Variants in PARP8 observed in about 807,000 individuals in gnomAD.
The protein encoded by PARP8 is protein mono-ADP-ribosyltransferase PARP8.
PARP8 carries 51 observed loss-of-function variants against 124.1 expected under a neutral mutation model. The observed-to-expected ratio is 0.41, with a 90% CI of 0.33 to 0.52. PARP8 has a LOEUF of 0.52. PARP8 is among the 20% of genes least tolerant of loss of function. PARP8 has a pLI of 0.21. For missense variants in PARP8, 860 were observed against 1,018.9 expected (o/e 0.84, Z 2.12); for synonymous variants, 391 against 361.5 (o/e 1.08, Z -0.93).
At chr5:50,798,071 CTT>C (rs1485279184) in intron 14 of PARP8, among the ~76,000 whole-genome samples, 1 of 152,132 alleles carries the variant, frequency 6.6e-6, no homozygotes. Flanking sequence ...AGTATGTGGG[CTT>C]TTGTTTCTGA....
At chr5:50,734,159 G>A (rs1329295631) in intron 2 of PARP8, among the ~76,000 whole-genome samples, 2 of 151,990 alleles carry the variant, frequency 1.3e-5, no homozygotes, top group Admixed American at 6.6e-5. Context: ...CCTTTTTTAC[G>A]GCGGTTTTAT....
At chr5:50,680,535 AATCT>A (rs1426097155) in intron 2 of PARP8, among the ~76,000 whole-genome samples, 1 of 152,172 alleles carries the variant, frequency 6.6e-6, no homozygotes, top group Non-Finnish European at 1.5e-5. Flanking sequence ...ATCTGCAGGA[AATCT>A]ATCTTTTAAA....
chr5:50,819,358 AGTGAGAGCATATCCATCTGT>A (rs552807182), intron 15 of PARP8, among the ~76,000 whole-genome samples: 229 of 147,658 alleles, frequency 1.6e-3, no homozygotes, highest in African/African-American at 5.5e-3. Context: ...AAAGGGTTTT[AGTGAGAGCATATCCATCTGT>A]GTCATTCCCC....
intron 17 of PARP8, among the ~76,000 whole-genome samples, chr5:50,824,584 T>C (rs1280792561): frequency 1.3e-5 from 2 of 149,710 alleles, no homozygotes; most frequent in African/African-American, 4.9e-5. Context: ...TTTGGGAGCA[T>C]CACGTTTTCT....
chr5:50,738,383 T>C lies in PARP8; in HGVS notation c.147-11768T>C, dbSNP rs528593322. Among the ~76,000 whole-genome samples the C allele has an allele frequency of 2.0e-5, 3 of 152,324 alleles. No homozygotes were observed. In the East Asian group the frequency reaches 5.8e-4, roughly 29 times the overall value. On this transcript the variant is annotated intron_variant, in intron 2 of 25. Transcript: ENST00000281631. ...TGTTTTTAGATCATGACCTAAAATTTATTCTATAAAATTTATGAATATTGC... is the reference window on the plus strand; with the variant it reads ...TGTTTTTAGATCATGACCTAAAATTCATTCTATAAAATTTATGAATATTGC...
chr5:50,840,774 G>C (rs1180721428), intron 25 of PARP8, among the ~76,000 whole-genome samples: 1 of 151,838 alleles, frequency 6.6e-6, no homozygotes, highest in African/African-American at 2.4e-5. Context: ...CAGTAACAGA[G>C]CACTTACTGT....
At chr5:50,785,431 C>G (rs1741142922) in intron 9 of PARP8, among the ~76,000 whole-genome samples, 1 of 152,114 alleles carries the variant, frequency 6.6e-6, no homozygotes, top group Admixed American at 6.5e-5. Context: ...TCGGATTTTT[C>G]TACATTTTTG....
chr5:50,674,717 A>C (rs1331003795), intron 2 of PARP8, among the ~76,000 whole-genome samples: 2 of 152,174 alleles, frequency 1.3e-5, no homozygotes, highest in African/African-American at 4.8e-5. Context: ...CCCACTCATC[A>C]ACAGTTTGTA....
intron 7 of PARP8, among the ~76,000 whole-genome samples, chr5:50,767,460 G>T (rs1761165634): frequency 6.6e-6 from 1 of 152,128 alleles, no homozygotes; most frequent in Admixed American, 6.5e-5. Flanking sequence ...AAACCACGGG[G>T]ACATAATCTA....
chr5:50,719,150 A>T (rs1276965052), intron 2 of PARP8, among the ~76,000 whole-genome samples: 4 of 151,898 alleles, frequency 2.6e-5, no homozygotes, highest in Non-Finnish European at 5.9e-5. Context: ...ACCCATTTTT[A>T]AATTGGATTA....
chr5:50,736,140 C>A (rs994041987), intron 2 of PARP8, among the ~76,000 whole-genome samples: 1 of 151,894 alleles, frequency 6.6e-6, no homozygotes, highest in African/African-American at 2.4e-5. Context: ...ACCAAGAAAC[C>A]TCCCCCCACC....
At chr5:50,792,633 A>G (rs545034574) in intron 10 of PARP8, among the ~76,000 whole-genome samples, 8 of 152,266 alleles carry the variant, frequency 5.3e-5, no homozygotes, top group African/African-American at 1.9e-4. Flanking sequence ...AGGTACAGGG[A>G]GAAATGATGA....
At position 50,763,249 on chromosome 5, in the gene PARP8, A is replaced by G; in HGVS notation, c.518+7A>G. 1 of 1,574,344 alleles carries G rather than the reference A, an allele frequency of 6.4e-7. No homozygotes were observed. Among genetic ancestry groups the G allele is most frequent in the East Asian group, 2.2e-5 (1 of 44,678 alleles). On this transcript the variant is annotated splice_region_variant and intron_variant, in intron 7 of 25. Coordinates refer to ENST00000281631, the MANE Select transcript of PARP8 (RefSeq NM_024615.4). ...CACATGCAGTTTCTCTCAGGTAAAT[A>G]AGTATCACTGGTGAATAAAATTAAA...
intron 22 of PARP8, among the ~76,000 whole-genome samples, chr5:50,830,396 T>C (rs935464062): frequency 5.3e-5 from 8 of 152,162 alleles, no homozygotes; most frequent in African/African-American, 1.9e-4. Context: ...AAAATCATCT[T>C]TCTTGTTAAC....
chr5:50,778,100 G>C lies in PARP8; in HGVS notation c.550G>C (p.Asp184His). 6.2e-7 allele frequency: 1 copy of C among 1,608,562 alleles called. No individual in the cohort carries two copies. The highest frequency in any genetic ancestry group is 8.5e-7 in the Non-Finnish European group (1 of 1,178,084). ...TGGAGCCATTGATGATGTAGATATT[G>C]ATCTGCATATCGATGTTAGCTTTCT... ...EYGAIDDVDI[D>H]LHIDVSFLDE... Residue 184 changes from aspartate (D) to histidine (H), a missense_variant, in exon 8 of 26, where the codon GAT becomes CAT. Transcript: ENST00000281631.
intron 7 of PARP8, among the ~76,000 whole-genome samples, chr5:50,765,436 C>A (rs913056347): frequency 1.3e-5 from 2 of 151,972 alleles, no homozygotes; most frequent in African/African-American, 4.8e-5. Context: ...TTGTTAAGTA[C>A]CTATGATGGT....
chr5:50,721,812 A>G (rs2149504136), intron 2 of PARP8, among the ~76,000 whole-genome samples: 1 of 152,200 alleles, frequency 6.6e-6, no homozygotes, highest in Non-Finnish European at 1.5e-5. Context: ...GTTGGTAAGA[A>G]CTCATGCCTT....
intron 9 of PARP8, among the ~76,000 whole-genome samples, chr5:50,779,516 C>T (rs560989150): frequency 1.5e-3 from 234 of 152,318 alleles, no homozygotes; most frequent in African/African-American, 5.4e-3. Flanking sequence ...CTGTCCGACA[C>T]ATAGCTTCTT....
chr5:50,731,844 C>T (rs1397213761), intron 2 of PARP8, among the ~76,000 whole-genome samples: 1 of 152,048 alleles, frequency 6.6e-6, no homozygotes, highest in Non-Finnish European at 1.5e-5. Context: ...AAATTTGCTC[C>T]AAACATATTT....
Sources: allele counts gnomAD v4.1 joint callset (sites outside exome capture counted in the v4.1 genomes callset), GRCh38; gene constraint gnomAD v4.1.1; transcripts MANE v1.5; gene names NCBI Gene and HGNC (gene_info 2026-07-23, HGNC 2026-07-21).